LRPPRC: variants seen among roughly 807,000 people sequenced by gnomAD.
The protein encoded by LRPPRC is leucine rich pentatricopeptide repeat containing.
Under a neutral mutation model 180.3 loss-of-function variants are expected in LRPPRC, and 120 were observed. That is an observed-to-expected ratio of 0.67 (90% CI 0.57 to 0.77). The LOEUF (loss-of-function observed/expected upper bound fraction) is 0.77. Ranked by LOEUF, LRPPRC falls within the 30% of genes least tolerant of loss-of-function variation. LRPPRC has a pLI of 0.00. For synonymous variants in LRPPRC, 723 were observed against 600.0 expected (o/e 1.21, Z -3.00); for missense variants, 2,012 against 1,657.2 (o/e 1.21, Z -3.72).
Position 43,888,592 on chromosome 2 carries a change from TG to T in LRPPRC, c.*7del. 6.5e-7 allele frequency: 1 copy of T among 1,539,796 alleles called. No individual in the cohort carries two copies. The highest frequency in any genetic ancestry group is 9.0e-7 in the Non-Finnish European group (1 of 1,112,638). On this transcript the variant is annotated 3_prime_UTR_variant, in exon 38 of 38. Transcript: ENST00000260665. ...AATATATACAAAACAAAGTATCGCC[TG>T]GTTATTTCAAGAAGAGTTTTCCCTC...
At chr2:43,968,324 T>C (rs1673649084) in intron 11 of LRPPRC, among the ~76,000 whole-genome samples, 1 of 152,254 alleles carries the variant, frequency 6.6e-6, no homozygotes, top group African/African-American at 2.4e-5. Context: ...CAAGGCAATA[T>C]GTGTCGAAGC....
At chr2:43,983,221 A>C (rs556756547) in intron 1 of LRPPRC, among the ~76,000 whole-genome samples, 1 of 152,156 alleles carries the variant, frequency 6.6e-6, no homozygotes, top group Non-Finnish European at 1.5e-5. Flanking sequence ...TAAACCATTC[A>C]CTATTTTAGT....
chr2:43,995,982 G>A lies in LRPPRC; in HGVS notation c.-35C>T, dbSNP rs561311761. On this transcript the variant is annotated 5_prime_UTR_variant, in exon 1 of 38. Coordinates refer to ENST00000260665, the MANE Select transcript of LRPPRC (RefSeq NM_133259.4). ...GTCCCCGCAGCGGGAAGCACGCTCC[G>A]CCAGAAGGACAGGAGGAGCATGTGA... is the stretch of plus-strand genomic sequence containing the variant. 1.6e-4 allele frequency: 241 copies of A among 1,522,368 alleles called. 2 individuals carry two copies. In the South Asian group the frequency reaches 2.4e-3, roughly 15 times the overall value. 94.3% of individuals were successfully genotyped at this position (1,522,368 alleles called of 1,614,324 possible). A position where few individuals can be genotyped will look rare whatever the true frequency, so the allele number is the denominator to read the frequency against.
chr2:43,958,893 T>C (rs1032565687), intron 13 of LRPPRC: 11 of 262,552 alleles, frequency 4.2e-5, no homozygotes, highest in Admixed American at 1.6e-4. Context: ...GCTCAAATAC[T>C]TGGCAAACTT....
At chr2:43,989,612 A>AT (rs1243187737) in intron 1 of LRPPRC, among the ~76,000 whole-genome samples, 1 of 152,222 alleles carries the variant, frequency 6.6e-6, no homozygotes, top group Non-Finnish European at 1.5e-5. Flanking sequence ...GTTTTTGTCC[A>AT]TAAGTAATCC....
chr2:43,908,425 TG>T (rs1025943254), intron 30 of LRPPRC, among the ~76,000 whole-genome samples: 6 of 152,222 alleles, frequency 3.9e-5, no homozygotes, highest in Non-Finnish European at 7.4e-5. Flanking sequence ...TAAATGACTT[TG>T]TAAATAAAAT....
chr2:43,902,831 C>T (rs1264144524), intron 31 of LRPPRC: 1 of 152,062 alleles, frequency 6.6e-6, no homozygotes, highest in Non-Finnish European at 1.5e-5. Flanking sequence ...TCCCACAGTA[C>T]ATCAAAACAA....
intron 31 of LRPPRC, 26 bp downstream of exon 31, chr2:43,905,666 C>A: frequency 6.5e-7 from 1 of 1,527,242 alleles, no homozygotes; most frequent in Non-Finnish European, 9.1e-7. Context: ...ATTAATGTGA[C>A]GTAAAGGTCA....
At chr2:43,951,734 T>C (rs1278974775) in intron 14 of LRPPRC, among the ~76,000 whole-genome samples, 1 of 152,186 alleles carries the variant, frequency 6.6e-6, no homozygotes, top group Non-Finnish European at 1.5e-5. Context: ...TTCGTGAAGG[T>C]TTAAAAATTC....
intron 34 of LRPPRC, among the ~76,000 whole-genome samples, chr2:43,898,447 G>A (rs1287764865): frequency 3.3e-5 from 5 of 152,198 alleles, no homozygotes; most frequent in Admixed American, 6.5e-5. Context: ...CACAAACACA[G>A]CCGTTGGCGG....
intron 1 of LRPPRC, among the ~76,000 whole-genome samples, chr2:43,985,587 G>A (rs965605535): frequency 2.6e-5 from 4 of 152,134 alleles, no homozygotes; most frequent in African/African-American, 9.7e-5. Flanking sequence ...CATACAGCAT[G>A]CTGCCCTTTC....
intron 25 of LRPPRC, among the ~76,000 whole-genome samples, chr2:43,929,762 A>C (rs1042048950): frequency 1.3e-5 from 2 of 152,174 alleles, no homozygotes; most frequent in African/African-American, 4.8e-5. Flanking sequence ...AAATTTTCCA[A>C]GATAGACTTG....
At chr2:43,968,981 T>C (rs776021122) in intron 11 of LRPPRC, among the ~76,000 whole-genome samples, 1 of 152,368 alleles carries the variant, frequency 6.6e-6, no homozygotes, top group Admixed American at 6.5e-5. Flanking sequence ...TGTACCTGTA[T>C]ATAAAATCAT....
At chr2:43,985,270 CTCCCATT>C (rs1226118400) in intron 1 of LRPPRC, among the ~76,000 whole-genome samples, 1 of 152,100 alleles carries the variant, frequency 6.6e-6, no homozygotes, top group African/African-American at 2.4e-5. Flanking sequence ...TTTCTTCTCC[CTCCCATT>C]TCCCCTAGTA....
intron 1 of LRPPRC, among the ~76,000 whole-genome samples, chr2:43,995,224 C>A (rs1674976924): frequency 6.6e-6 from 1 of 152,154 alleles, no homozygotes; most frequent in Non-Finnish European, 1.5e-5. Context: ...CCAACTCGCG[C>A]AACACCTTCT....
chr2:43,963,822 T>C, intron 11 of LRPPRC, 116 bp from the exon 12 acceptor site: 1 of 759,972 alleles, frequency 1.3e-6, no homozygotes, highest in South Asian at 1.4e-5. Context: ...TACTCAGCAA[T>C]TCGTTTGTCT....
intron 9 of LRPPRC, 102 bp from the exon 10 acceptor site, chr2:43,974,002 G>A (rs183618593): frequency 2.3e-4 from 251 of 1,107,420 alleles, no homozygotes; most frequent in Admixed American, 3.1e-4. Flanking sequence ...TTTAAACCCC[G>A]CATCCTCTTT....
At chr2:43,918,972 A>G (rs868104752) in intron 27 of LRPPRC, among the ~76,000 whole-genome samples, 1 of 152,006 alleles carries the variant, frequency 6.6e-6, no homozygotes, top group Non-Finnish European at 1.5e-5. Flanking sequence ...CGGTATACAT[A>G]TATCTATGAT....
At chr2:43,968,981 T>A (rs776021122) in intron 11 of LRPPRC, among the ~76,000 whole-genome samples, 1 of 152,250 alleles carries the variant, frequency 6.6e-6, no homozygotes, top group Non-Finnish European at 1.5e-5. Context: ...TGTACCTGTA[T>A]ATAAAATCAT....
Sources: gnomAD v4.1 joint callset for allele counts (sites outside exome capture counted in the v4.1 genomes callset) on GRCh38, gnomAD v4.1.1 for gene constraint, MANE v1.5 for transcripts, NCBI Gene and HGNC (gene_info 2026-07-23, HGNC 2026-07-21) for gene names.